The following PEX1 variants were observed in gnomAD, a reference collection of about 807,000 sequenced individuals.
PEX1 encodes peroxisomal ATPase PEX1.
A neutral mutation model predicts 152.5 loss-of-function variants in PEX1; 97 were observed. The observed-to-expected ratio is 0.64, with a 90% confidence interval of 0.54 to 0.75. The LOEUF is 0.75. Ranked by LOEUF, PEX1 falls within the 30% of genes least tolerant of loss-of-function variation. The pLI is 0.00. For missense variants in PEX1, 1,357 were observed against 1,516.3 expected (o/e 0.89, Z 1.74); for synonymous variants, 485 against 531.6 (o/e 0.91, Z 1.21).
At chr7:92,501,695 T>A (rs1226036098) in intron 14 of PEX1, 22 bp from the exon 15 acceptor site, 5 of 1,588,902 alleles carry the variant, frequency 3.1e-6, no homozygotes, top group Non-Finnish European at 4.3e-6. Flanking sequence ...TAAACAAAAC[T>A]TCTTTTACTA....
rs562628959 is a variant in PEX1, at chr7:92,490,032, C to A, written c.3439-121G>T. The A allele has an allele frequency of 2.6e-3, 2,051 of 798,646 alleles. 5 individuals are homozygous for A. The highest frequency in any genetic ancestry group is 5.3e-3 in the Middle Eastern group (15 of 2,854). 49.5% of individuals were successfully genotyped at this position (798,646 alleles called of 1,614,324 possible). A position where few individuals can be genotyped will look rare whatever the true frequency, so the allele number is the denominator to read the frequency against. ...TAAAACATTAACATAGATAAGTATA[C>A]ATGTTAATTAACTGAAATTAAGCAA... On this transcript the variant is annotated intron_variant, in intron 21 of 23. Coordinates refer to ENST00000248633, the MANE Select transcript of PEX1 (RefSeq NM_000466.3).
At position 92,528,437 on chromosome 7, in the gene PEX1, G is replaced by T. The variant is rs751398254; in HGVS notation, c.-2C>A. 1.3e-6 allele frequency: 2 copies of T among 1,581,496 alleles called. No homozygotes were observed. The highest frequency in any genetic ancestry group is 1.3e-5 in the African/African-American group (1 of 74,330). The stretch of plus-strand genomic sequence containing the variant: ...CGCCAGGCGATCGCTGCCCCACATC[G>T]TCCCGGAGCGTCGCTCTGGGTTCGC... On this transcript the variant is annotated 5_prime_UTR_variant, in exon 1 of 24. Coordinates refer to ENST00000248633, the MANE Select transcript of PEX1 (RefSeq NM_000466.3).
chr7:92,499,754 G>C lies in PEX1; in HGVS notation c.2668C>G (p.Leu890Val). The part of the protein sequence containing the change: ...YGPPGTGKTL[L>V]AGVIARESRM... ...CTCTCTCGTGCAATTACCCCAGCTA[G>C]TAAGGTTTTTCCTGTTCCAGGCGGA... Residue 890 changes from leucine (L) to valine (V), a missense_variant, in exon 16 of 24, where the codon CTA becomes GTA. Coordinates refer to ENST00000248633, the MANE Select transcript of PEX1 (RefSeq NM_000466.3). 6.2e-7 allele frequency: 1 copy of C among 1,613,384 alleles called. No individual in the cohort carries two copies. Among genetic ancestry groups the C allele is most frequent in the Non-Finnish European group, 8.5e-7 (1 of 1,179,416 alleles).
In PEX1 at chr7:92,516,975, T is replaced by C. The variant is rs143294810; in HGVS notation, c.1239+301A>G. 3.3e-5 allele frequency among the ~76,000 whole-genome samples: 5 copies of C among 152,338 alleles called. No homozygotes were observed. The East Asian group carries it at 9.6e-4, about 29-fold the overall frequency. On this transcript the variant is annotated intron_variant, in intron 5 of 23. Transcript: ENST00000248633. ...ATCCTGATGAACCCCCAAGTCAATC[T>C]GCCTGGGTTTGAATCCTAGTTGTAA...
chr7:92,513,519 A>C (rs1422419174), intron 6 of PEX1, among the ~76,000 whole-genome samples: 1 of 152,126 alleles, frequency 6.6e-6, no homozygotes, highest in Non-Finnish European at 1.5e-5. Context: ...TAGAGACACA[A>C]TATACATTAG....
At chr7:92,509,655 A>G (rs919215502) in intron 8 of PEX1, among the ~76,000 whole-genome samples, 3 of 152,350 alleles carry the variant, frequency 2.0e-5, no homozygotes. Context: ...ATTTTTATCT[A>G]TAATTTTGAT....
At chr7:92,520,716 G>A (rs952764118) in intron 2 of PEX1, among the ~76,000 whole-genome samples, 2 of 152,120 alleles carry the variant, frequency 1.3e-5, no homozygotes, top group African/African-American at 4.8e-5. Context: ...TTACTGGCAG[G>A]GCTGCAACAG....
At chr7:92,523,255 T>C (rs576351067) in intron 1 of PEX1, among the ~76,000 whole-genome samples, 5 of 152,360 alleles carry the variant, frequency 3.3e-5, no homozygotes, top group African/African-American at 4.8e-5. Context: ...GTTTTTCATA[T>C]AGTTGTGTTC....
chr7:92,504,835 T>C lies in PEX1; in HGVS notation c.1968A>G (p.Pro656=). Residue 656 remains proline (P), a synonymous_variant, in exon 12 of 24, where the codon CCA becomes CCG. Coordinates refer to ENST00000248633, the MANE Select transcript of PEX1 (RefSeq NM_000466.3). ...CAAGGTCATCCAGCAGGACAACAGATGGCTGCATCCACACTGCCTCTGAGA... is the reference window on the plus strand; with the variant it reads ...CAAGGTCATCCAGCAGGACAACAGACGGCTGCATCCACACTGCCTCTGAGA... ...VAFSEAVWMQ[P]SVVLLDDLDL... 6.2e-7 allele frequency: 1 copy of C among 1,614,052 alleles called. No individual in the cohort carries two copies. Among genetic ancestry groups the C allele is most frequent in the Non-Finnish European group, 8.5e-7 (1 of 1,179,896 alleles).
At chr7:92,489,975 T>C (rs1193443819) in intron 21 of PEX1, 64 bp from the exon 22 acceptor site, 4 of 1,213,500 alleles carry the variant, frequency 3.3e-6, no homozygotes, top group Non-Finnish European at 4.8e-6. Context: ...ACTATGTGTT[T>C]ACCAAATATA....
intron 13 of PEX1, 118 bp from the exon 14 acceptor site, chr7:92,502,197 T>G (rs1399296588): frequency 1.4e-6 from 1 of 709,264 alleles, no homozygotes; most frequent in Non-Finnish European, 2.4e-6. Context: ...AATTGGTAGT[T>G]GTCTGGGGAT....
chr7:92,495,920 C>G (rs2116105719), intron 17 of PEX1, among the ~76,000 whole-genome samples: 1 of 152,104 alleles, frequency 6.6e-6, no homozygotes, highest in East Asian at 1.9e-4. Context: ...ACATTTAACA[C>G]TATAAATTTT....
chr7:92,491,721 TC>T (rs1454681543), intron 20 of PEX1: 13 of 498,270 alleles, frequency 2.6e-5, no homozygotes, highest in Non-Finnish European at 4.7e-5. Flanking sequence ...TTACCAACCA[TC>T]CCCCAAGAAA....
chr7:92,496,546 T>TA, intron 17 of PEX1, among the ~76,000 whole-genome samples, 167 bp downstream of exon 17: 1 of 152,290 alleles, frequency 6.6e-6, no homozygotes, highest in African/African-American at 2.4e-5. Flanking sequence ...TCTAAAATGT[T>TA]TTGTATTATT....
At chr7:92,498,124 T>C (rs1791748323) in intron 16 of PEX1, among the ~76,000 whole-genome samples, 3 of 149,876 alleles carry the variant, frequency 2.0e-5, no homozygotes, top group Non-Finnish European at 4.4e-5. Context: ...GGCAACAGCC[T>C]GGCACTTTTA....
At chr7:92,506,475 A>G (rs1340993242) in intron 10 of PEX1, 131 bp from the exon 11 acceptor site, 4 of 696,486 alleles carry the variant, frequency 5.7e-6, no homozygotes, top group African/African-American at 1.8e-5. Flanking sequence ...AGAAGAGGAG[A>G]GAATACTTCC....
intron 21 of PEX1, among the ~76,000 whole-genome samples, chr7:92,490,720 T>C (rs1791259017): frequency 6.6e-6 from 1 of 151,434 alleles, no homozygotes; most frequent in Admixed American, 6.6e-5. Context: ...CATGTACAGA[T>C]GTTACATGTA....
intron 12 of PEX1, 86 bp from the exon 13 acceptor site, chr7:92,503,281 C>T: frequency 8.4e-7 from 1 of 1,196,828 alleles, no homozygotes; most frequent in Non-Finnish European, 1.2e-6. Flanking sequence ...TAATGATACT[C>T]TAAGGTTGAC....
intron 1 of PEX1, 94 bp from the exon 2 acceptor site, chr7:92,522,339 A>G (rs949612951): frequency 8.1e-7 from 1 of 1,241,580 alleles, no homozygotes; most frequent in African/African-American, 1.5e-5. Context: ...CACATGTCCA[A>G]AAAGAGTTCT....
Sources: allele counts gnomAD v4.1 joint callset (sites outside exome capture counted in the v4.1 genomes callset), GRCh38; gene constraint gnomAD v4.1.1; transcripts MANE v1.5; gene names NCBI Gene and HGNC (gene_info 2026-07-23, HGNC 2026-07-21).